Variants in ERC1 observed in about 807,000 individuals in gnomAD.
ERC1 encodes ELKS/RAB6-interacting/CAST family member 1.
ERC1 carries 56 observed loss-of-function variants against 132.0 expected under a neutral mutation model. That is an observed-to-expected ratio of 0.42 (90% CI 0.34 to 0.53). The LOEUF (loss-of-function observed/expected upper bound fraction) is 0.53, where lower values mean the gene tolerates loss of function less well. Ranked by LOEUF, ERC1 falls within the 20% of genes least tolerant of loss-of-function variation. The pLI is 0.03. For missense variants in ERC1, 1,202 were observed against 1,349.9 expected, an observed-to-expected ratio of 0.89 and a Z score of 1.72; for synonymous variants, 478 against 476.1, an observed-to-expected ratio of 1.00 and a Z score of -0.05.
intron 7 of ERC1, among the ~76,000 whole-genome samples, chr12:1,121,705 ATCTGTG>A (rs765617732): frequency 0.01 from 537 of 52,278 alleles, 30 homozygotes; most frequent in African/African-American, 0.022. Flanking sequence ...CTCTATCTCT[ATCTGTG>A]TCTCTATCTC....
At chr12:1,116,484 T>C (rs1226724538) in intron 7 of ERC1, among the ~76,000 whole-genome samples, 1 of 152,198 alleles carries the variant, frequency 6.6e-6, no homozygotes, top group Non-Finnish European at 1.5e-5. Flanking sequence ...TCTGTTAAAG[T>C]TCTAGATAGT....
chr12:1,192,100 C>T (rs755100249), intron 12 of ERC1, among the ~76,000 whole-genome samples: 40 of 152,190 alleles, frequency 2.6e-4, no homozygotes, highest in Admixed American at 1.3e-3. Context: ...TCTTTCTGTT[C>T]TGCCAAGGCT....
At chr12:1,189,654 A>G (rs977533086) in intron 11 of ERC1, among the ~76,000 whole-genome samples, 2 of 152,238 alleles carry the variant, frequency 1.3e-5, no homozygotes, top group African/African-American at 4.8e-5. Context: ...CAACTAATCT[A>G]CTTGGAACCT....
At chr12:1,072,402 A>G (rs1940553331) in intron 2 of ERC1, among the ~76,000 whole-genome samples, 1 of 152,194 alleles carries the variant, frequency 6.6e-6, no homozygotes, top group South Asian at 2.1e-4. Context: ...AATCTTTTGT[A>G]ATGTTTACTA....
At chr12:1,245,076 A>G (rs763848639) in intron 13 of ERC1, 3 of 152,110 alleles carry the variant, frequency 2.0e-5, no homozygotes, top group Non-Finnish European at 2.9e-5. Context: ...CTACTTTTCT[A>G]TTTTTTCTCT....
At chr12:1,168,730 G>C (rs987552684) in intron 8 of ERC1, among the ~76,000 whole-genome samples, 1 of 151,466 alleles carries the variant, frequency 6.6e-6, no homozygotes, top group African/African-American at 2.4e-5. Context: ...CAGATGATCT[G>C]CCCGCCTCGG....
chr12:1,292,369 A>C (rs1375922239), intron 15 of ERC1, among the ~76,000 whole-genome samples: 3 of 152,216 alleles, frequency 2.0e-5, no homozygotes, highest in Non-Finnish European at 4.4e-5. Flanking sequence ...ACCAACGAGT[A>C]GAAGTTAAAT....
rs2094340715 is a variant in ERC1 at position 1,493,878 on chromosome 12, C to T, written c.*3648C>T. On this transcript the variant is annotated 3_prime_UTR_variant, in exon 19 of 19. Coordinates refer to ENST00000360905, the MANE Select transcript of ERC1 (RefSeq NM_178040.4). The stretch of plus-strand genomic sequence containing the variant: ...GACACGGTCTTAGCCACCTGCTGAA[C>T]TAATCCCTCCGCTATTGAGGGTCAG... The T allele has an allele frequency of 4.4e-6, 1 of 229,270 alleles. No homozygotes were observed. The highest frequency in any genetic ancestry group is 2.2e-5 in the African/African-American group (1 of 45,016). 14.2% of individuals were successfully genotyped at this position (229,270 alleles called of 1,614,324 possible). A position where few individuals can be genotyped will look rare whatever the true frequency, so the allele number is the denominator to read the frequency against.
rs186245609 is a variant in ERC1, at chr12:1,304,851, G to A, written c.2780+14839G>A. Among the ~76,000 whole-genome samples, 417 of 139,208 alleles carry A rather than the reference G, an allele frequency of 3.0e-3. 6 individuals carry two copies. The highest frequency in any genetic ancestry group is 8.4e-3 in the African/African-American group (309 of 36,714). 91.3% of individuals were successfully genotyped at this position (139,208 alleles called of 152,430 possible). On this transcript the variant is annotated intron_variant, in intron 15 of 18. Transcript: ENST00000360905. Reference sequence around the variant, plus strand: ...GCTGCCCGGGCTGGAGTACAGTGGCGTGATCTCGGCTCACTGCAAGCTCCG... The same window carrying A: ...GCTGCCCGGGCTGGAGTACAGTGGCATGATCTCGGCTCACTGCAAGCTCCG...
intron 8 of ERC1, among the ~76,000 whole-genome samples, chr12:1,158,230 T>C (rs1951573664): frequency 6.6e-6 from 1 of 152,210 alleles, no homozygotes; most frequent in Non-Finnish European, 1.5e-5. Context: ...ATCCCCCTTC[T>C]TGATTTTAGT....
intron 16 of ERC1, among the ~76,000 whole-genome samples, chr12:1,399,472 C>T (rs1433823194): frequency 2.0e-5 from 3 of 152,084 alleles, no homozygotes; most frequent in South Asian, 2.1e-4. Flanking sequence ...AGTGTCATCG[C>T]TTTTTATATA....
chr12:1,446,401 T>G (rs1393320175), intron 18 of ERC1, among the ~76,000 whole-genome samples: 3 of 152,220 alleles, frequency 2.0e-5, no homozygotes, highest in African/African-American at 2.4e-5. Context: ...GCTCCTAGTT[T>G]ACTGATAGAA....
At chr12:1,461,664 T>C (rs1217456312) in intron 18 of ERC1, among the ~76,000 whole-genome samples, 2 of 152,014 alleles carry the variant, frequency 1.3e-5, no homozygotes, top group Non-Finnish European at 2.9e-5. Context: ...CGAAACTCTG[T>C]CTCAAAAAAT....
chr12:1,065,033 C>T (rs746593701), intron 2 of ERC1, among the ~76,000 whole-genome samples: 25 of 151,740 alleles, frequency 1.6e-4, no homozygotes, highest in Non-Finnish European at 3.4e-4. Flanking sequence ...CAGAGTCTCG[C>T]TCTGTTGCCC....
intron 2 of ERC1, among the ~76,000 whole-genome samples, chr12:1,036,104 G>GT (rs1421872613): frequency 1.3e-5 from 2 of 152,072 alleles, no homozygotes; most frequent in African/African-American, 2.4e-5. Flanking sequence ...ACAAAATACT[G>GT]TTTAATATTA....
chr12:1,492,146 C>G lies in ERC1; in HGVS notation c.*1916C>G. On this transcript the variant is annotated 3_prime_UTR_variant, in exon 19 of 19. Coordinates refer to ENST00000360905, the MANE Select transcript of ERC1 (RefSeq NM_178040.4). Reference sequence around the variant, plus strand: ...TGTGAGAGGAAACTGTGGAGCGTTTCTTATCGAAGGTTAAATGGACTCTGC... The same window carrying G: ...TGTGAGAGGAAACTGTGGAGCGTTTGTTATCGAAGGTTAAATGGACTCTGC... The G allele has an allele frequency of 4.3e-6, 1 of 232,892 alleles. No homozygotes were observed. Among genetic ancestry groups the G allele is most frequent in the East Asian group, 6.0e-5 (1 of 16,536 alleles). The allele number at this position is 232,892 out of a possible 1,614,324, so 14.4% of individuals were successfully genotyped here.
chr12:1,375,337 A>G (rs1369063184), intron 16 of ERC1, among the ~76,000 whole-genome samples: 1 of 152,170 alleles, frequency 6.6e-6, no homozygotes, highest in Non-Finnish European at 1.5e-5. Flanking sequence ...AGAACTCACT[A>G]TCTTAACAGC....
chr12:1,197,642 A>T (rs1594148777), intron 12 of ERC1, among the ~76,000 whole-genome samples: 1 of 152,334 alleles, frequency 6.6e-6, no homozygotes, highest in East Asian at 1.9e-4. Flanking sequence ...CAGTTAAGGG[A>T]TACGTCTGGC....
chr12:1,406,025 GA>G (rs1238977313), intron 16 of ERC1, among the ~76,000 whole-genome samples: 2 of 152,100 alleles, frequency 1.3e-5, no homozygotes, highest in Non-Finnish European at 2.9e-5. Flanking sequence ...TTAATGACAT[GA>G]AAAAATGGTC....
Sources: allele counts gnomAD v4.1 joint callset (sites outside exome capture counted in the v4.1 genomes callset), GRCh38; gene constraint gnomAD v4.1.1; transcripts MANE v1.5; gene names NCBI Gene and HGNC (gene_info 2026-07-23, HGNC 2026-07-21).